The following SRP72 variants were observed in gnomAD, a reference collection of about 807,000 sequenced individuals.
The protein encoded by SRP72 is signal recognition particle subunit SRP72.
A neutral mutation model predicts 96.3 loss-of-function variants in SRP72; 49 were observed. The ratio of observed to expected loss-of-function variants is 0.51; its 90% confidence interval spans 0.40 to 0.65. The LOEUF (loss-of-function observed/expected upper bound fraction) is 0.65, where lower values mean the gene tolerates loss of function less well. SRP72 is among the 30% of genes least tolerant of loss of function. SRP72 has a pLI of 0.00. For synonymous variants in SRP72, 267 were observed against 275.2 expected (o/e 0.97, Z 0.30); for missense variants, 736 against 793.3 (o/e 0.93, Z 0.87).
intron 2 of SRP72, among the ~76,000 whole-genome samples, chr4:56,470,497 G>A (rs555010776): frequency 9.3e-5 from 14 of 150,820 alleles, no homozygotes; most frequent in Non-Finnish European, 1.5e-4. Flanking sequence ...CTGAGATCGT[G>A]CCATTGCACT....
chr4:56,471,267 T>A (rs1362395313), intron 2 of SRP72, among the ~76,000 whole-genome samples: 1 of 152,246 alleles, frequency 6.6e-6, no homozygotes, highest in African/African-American at 2.4e-5. Flanking sequence ...AGTTGTTTGA[T>A]TACAGGTACT....
rs539446551 is a variant in SRP72, at chr4:56,468,154, T to G, written c.109+410T>G. Among the ~76,000 whole-genome samples, 45 of 152,336 alleles carry G rather than the reference T, an allele frequency of 3.0e-4. 1 individual carries two copies. The South Asian group carries it at 9.1e-3, about 31-fold the overall frequency. Reference sequence around the variant, plus strand: ...TCAGGACTCTATTGCTGAGGGAGCTTGTTCTCTTTGGCCGCTAAAGGGGGA... The same window carrying G: ...TCAGGACTCTATTGCTGAGGGAGCTGGTTCTCTTTGGCCGCTAAAGGGGGA... On this transcript the variant is annotated intron_variant, in intron 1 of 18. Transcript: ENST00000642900.
chr4:56,471,660 A>G (rs1442824367), intron 2 of SRP72, 60 bp from the exon 3 acceptor site: 2 of 1,585,768 alleles, frequency 1.3e-6, no homozygotes, highest in Non-Finnish European at 1.7e-6. Context: ...GGTGTTGTAT[A>G]TAATGGGTGC....
At chr4:56,478,533 A>G (rs768384379) in intron 7 of SRP72, 30 bp downstream of exon 7, 2 of 1,613,248 alleles carry the variant, frequency 1.2e-6, no homozygotes. Context: ...TGTCTTTTAT[A>G]GGGGATGGGG....
At chr4:56,485,184 AAT>A (rs1210740758) in intron 10 of SRP72, among the ~76,000 whole-genome samples, 1 of 152,142 alleles carries the variant, frequency 6.6e-6, no homozygotes, top group African/African-American at 2.4e-5. Context: ...CTTTTGCAAT[AAT>A]CTGATCTCCA....
intron 17 of SRP72, among the ~76,000 whole-genome samples, chr4:56,497,659 T>TA (rs35264552): frequency 3.2e-4 from 49 of 151,274 alleles, no homozygotes; most frequent in Non-Finnish European, 5.6e-4. Context: ...TATCCATCTT[T>TA]AAAAAAAAAG....
At chr4:56,476,508 T>G in intron 5 of SRP72, 163 bp from the exon 6 acceptor site, 1 of 685,742 alleles carries the variant, frequency 1.5e-6, no homozygotes, top group Non-Finnish European at 2.5e-6. Flanking sequence ...AGACTGATAA[T>G]ATATATGTAG....
intron 8 of SRP72, 113 bp downstream of exon 8, chr4:56,478,762 T>G: frequency 9.3e-7 from 1 of 1,069,948 alleles, no homozygotes; most frequent in Non-Finnish European, 1.3e-6. Flanking sequence ...ATGAAAAAAG[T>G]CCAGTTGTAG....
chr4:56,486,856 G>A (rs934240817), intron 11 of SRP72, among the ~76,000 whole-genome samples: 9 of 152,138 alleles, frequency 5.9e-5, no homozygotes, highest in African/African-American at 1.9e-4. Context: ...AGAATTTAAC[G>A]AGAACTGATG....
rs148656197 is a variant in SRP72, at chr4:56,475,478, G to T, written c.610+1087G>T. On this transcript the variant is annotated intron_variant, in intron 5 of 18. Coordinates refer to ENST00000642900, the MANE Select transcript of SRP72 (RefSeq NM_006947.4). ...CTGGTGGCTGAGGCAGCAGGGCCTA[G>T]GAGGGCCTAGGAGGTTGAGGCTCCA... is the stretch of plus-strand genomic sequence containing the variant. Among the ~76,000 whole-genome samples the T allele has an allele frequency of 1.4e-4, 21 of 151,236 alleles. No homozygotes were observed. The East Asian group carries it at 4.1e-3, about 30-fold the overall frequency.
intron 3 of SRP72, among the ~76,000 whole-genome samples, chr4:56,473,509 C>T (rs1455556482): frequency 6.6e-6 from 1 of 151,386 alleles, no homozygotes; most frequent in Non-Finnish European, 1.5e-5. Context: ...TGGCTCACGC[C>T]TGTAATCCCA....
chr4:56,471,688 TAATC>T (rs767455683), intron 2 of SRP72, 28 bp from the exon 3 acceptor site: 127 of 1,609,544 alleles, frequency 7.9e-5, no homozygotes, highest in Middle Eastern at 1.7e-4. Flanking sequence ...TGTTAGATAA[TAATC>T]AGATACTGTT....
intron 1 of SRP72, among the ~76,000 whole-genome samples, chr4:56,468,355 G>A (rs1719832929): frequency 6.6e-6 from 1 of 152,232 alleles, no homozygotes; most frequent in African/African-American, 2.4e-5. Flanking sequence ...ACCAACACTT[G>A]AAATAATGTC....
At chr4:56,476,344 C>A in intron 5 of SRP72, 1 of 310,630 alleles carries the variant, frequency 3.2e-6, no homozygotes, top group Non-Finnish European at 5.8e-6. Context: ...GTGTTTATCT[C>A]TGGGTGGTAG....
chr4:56,471,392 A>G (rs1038068670), intron 2 of SRP72, among the ~76,000 whole-genome samples: 1 of 152,212 alleles, frequency 6.6e-6, no homozygotes, highest in Non-Finnish European at 1.5e-5. Flanking sequence ...AAAACAACCC[A>G]TTTAACATCC....
At position 56,484,831 on chromosome 4, in the gene SRP72, A is replaced by C; in HGVS notation, c.1053A>C (p.Glu351Asp). The C allele has an allele frequency of 6.2e-7, 1 of 1,613,880 alleles. No individual in the cohort carries two copies. The highest frequency in any genetic ancestry group is 1.1e-5 in the South Asian group (1 of 90,960). The change falls in exon 10 of 19, where the codon GAA becomes GAC. Residue 351 changes from glutamate to aspartate, a missense_variant. Around this residue, in one of 3 missense-constraint regions of SRP72, gnomAD observed 388 missense variants for 431.8 expected, o/e 0.90. Coordinates refer to ENST00000642900, the MANE Select transcript of SRP72 (RefSeq NM_006947.4). ...TCCAAGCTGCCCAGCTCTGCCGTGA[A>C]AAGCAGCACACAAAAGCAATAGAGC... ...VLIQAAQLCREKQHTKAIELL... is the reference protein window; with the variant it reads ...VLIQAAQLCRDKQHTKAIELL...
chr4:56,481,276 G>A (rs1453662101), intron 8 of SRP72, among the ~76,000 whole-genome samples: 1 of 152,050 alleles, frequency 6.6e-6, no homozygotes, highest in Non-Finnish European at 1.5e-5. Context: ...AGAAGACCTG[G>A]TTTAAAAAAG....
intron 5 of SRP72, 53 bp downstream of exon 5, chr4:56,474,444 G>A (rs1203696632): frequency 1.4e-6 from 2 of 1,454,962 alleles, no homozygotes; most frequent in African/African-American, 2.8e-5. Flanking sequence ...TAACTTTGTA[G>A]AGTATCTTCT....
At chr4:56,469,256 A>T (rs947332689) in intron 1 of SRP72, among the ~76,000 whole-genome samples, 3 of 152,190 alleles carry the variant, frequency 2.0e-5, no homozygotes, top group African/African-American at 7.2e-5. Flanking sequence ...CACCAAACCT[A>T]GGTCATTTGC....
Sources: allele counts gnomAD v4.1 joint callset (sites outside exome capture counted in the v4.1 genomes callset), GRCh38; gene constraint gnomAD v4.1.1; regional missense constraint gnomAD v4.1.1; transcripts MANE v1.5; gene names NCBI Gene and HGNC (gene_info 2026-07-23, HGNC 2026-07-21).